Variants in ARHGAP35 observed in about 807,000 individuals in gnomAD.
ARHGAP35 encodes rho GTPase-activating protein 35.
A neutral mutation model predicts 111.1 loss-of-function variants in ARHGAP35; 15 were observed. The observed-to-expected ratio is 0.13, with a 90% CI of 0.09 to 0.21. The LOEUF is 0.21. ARHGAP35 is among the 10% of genes least tolerant of loss of function. The pLI, the probability that ARHGAP35 is intolerant of heterozygous loss-of-function variation, is 1.00. For synonymous variants in ARHGAP35, 643 were observed against 710.3 expected, an observed-to-expected ratio of 0.91 and a Z score of 1.51; for missense variants, 1,262 against 1,873.0, an observed-to-expected ratio of 0.67 and a Z score of 6.02.
At chr19:46,982,139 C>T (rs911448192) in intron 3 of ARHGAP35, among the ~76,000 whole-genome samples, 4 of 151,850 alleles carry the variant, frequency 2.6e-5, no homozygotes, top group African/African-American at 4.8e-5. Context: ...GGAACCATCA[C>T]GCCTGCCCTG....
intron 3 of ARHGAP35, among the ~76,000 whole-genome samples, chr19:46,971,932 TATC>T (rs923448256): frequency 6.6e-6 from 1 of 152,156 alleles, no homozygotes; most frequent in African/African-American, 2.4e-5. Context: ...CTTCAGAAAA[TATC>T]AGCCCAGTTT....
rs1201403411 is a variant in ARHGAP35, at chr19:46,918,217, C to CAGGAA, written c.-188-271_-188-270insAGGAA. 6.6e-6 allele frequency among the ~76,000 whole-genome samples: 1 copy of CAGGAA among 151,976 alleles called. No homozygotes were observed. Among genetic ancestry groups the CAGGAA allele is most frequent in the African/African-American group, 2.4e-5 (1 of 41,356 alleles). On this transcript the variant is annotated intron_variant, in intron 1 of 6. Coordinates refer to ENST00000672722, the MANE Select transcript of ARHGAP35 (RefSeq NM_004491.5). The surrounding 1 kb of genome is among the most constrained non-coding windows in gnomAD (Gnocchi z 5.4). ...TCCTGCCCTAACCCTGGAATCAGCC[C>CAGGAA]TTTTTCCAGGGAGCCCTCACACCCT...
chr19:46,989,093 T>C lies in ARHGAP35; in HGVS notation c.3905-451T>C, dbSNP rs946361439. On this transcript the variant is annotated intron_variant, in intron 4 of 6. Coordinates refer to ENST00000672722, the MANE Select transcript of ARHGAP35 (RefSeq NM_004491.5). This position sits in a 1 kb window ranked among gnomAD's most constrained non-coding sequence, Gnocchi z 5.3. ...GCCAGAGAGAGAAAAAATGAGCCTATTTGCCCTCCCACCATAGGGGACAAG... is the reference window on the plus strand; with the variant it reads ...GCCAGAGAGAGAAAAAATGAGCCTACTTGCCCTCCCACCATAGGGGACAAG... 1 of 166,594 alleles carries C rather than the reference T, an allele frequency of 6.0e-6. No homozygotes were observed. Among genetic ancestry groups the C allele is most frequent in the African/African-American group, 2.4e-5 (1 of 41,988 alleles). The allele number at this position is 166,594 out of a possible 1,614,324, so 10.3% of individuals were successfully genotyped here. A position where few individuals can be genotyped will look rare whatever the true frequency, so the allele number is the denominator to read the frequency against.
At chr19:46,875,982 T>C (rs1270188650) in intron 1 of ARHGAP35, among the ~76,000 whole-genome samples, 1 of 152,194 alleles carries the variant, frequency 6.6e-6, no homozygotes, top group East Asian at 1.9e-4. Context: ...CCGTTACTCT[T>C]TTTCTCATCA....
chr19:46,931,804 C>A (rs2056274404), intron 2 of ARHGAP35, among the ~76,000 whole-genome samples: 2 of 152,116 alleles, frequency 1.3e-5, no homozygotes, highest in African/African-American at 4.8e-5. Context: ...TCAAAGATCA[C>A]CGTACACTAA....
In ARHGAP35 at chr19:46,999,453, G is replaced by T; in HGVS notation, c.4142+44G>T. 1 of 1,257,362 alleles carries T rather than the reference G, an allele frequency of 8.0e-7. No homozygotes were observed. The highest frequency in any genetic ancestry group is 1.3e-5 in the South Asian group (1 of 77,564). 77.9% of individuals were successfully genotyped at this position (1,257,362 alleles called of 1,614,324 possible). On this transcript the variant is annotated intron_variant, in intron 6 of 6. Transcript: ENST00000672722. The surrounding 1 kb of genome is among the most constrained non-coding windows in gnomAD (Gnocchi z 5.4). ...TGGTTGGTTTTTCCTCCTGAAAATTGACAGCCAGGGTCAGTGTGTCGCAGA... is the reference window on the plus strand; with the variant it reads ...TGGTTGGTTTTTCCTCCTGAAAATTTACAGCCAGGGTCAGTGTGTCGCAGA...
intron 1 of ARHGAP35, among the ~76,000 whole-genome samples, chr19:46,863,122 C>G (rs921046591): frequency 6.6e-6 from 1 of 151,396 alleles, no homozygotes; most frequent in South Asian, 2.1e-4. Context: ...CCTATCAGAC[C>G]TGCTCCTCGC....
chr19:46,914,885 A>G (rs1438984743), intron 1 of ARHGAP35, among the ~76,000 whole-genome samples: 3 of 152,192 alleles, frequency 2.0e-5, no homozygotes, highest in African/African-American at 7.2e-5. Flanking sequence ...CAGACAAGGG[A>G]TGACTTGCCA....
At chr19:46,950,595 G>A (rs957286247) in intron 3 of ARHGAP35, among the ~76,000 whole-genome samples, 2 of 152,234 alleles carry the variant, frequency 1.3e-5, no homozygotes, top group African/African-American at 4.8e-5. Context: ...CTGAGCTTGT[G>A]GTGGTGTGTT....
At position 46,921,462 on chromosome 19, in the gene ARHGAP35, T is replaced by G. The variant is rs1242903108; in HGVS notation, c.2787T>G (p.His929Gln). The G allele has an allele frequency of 6.2e-7, 1 of 1,613,832 alleles. No homozygotes were observed. The highest frequency in any genetic ancestry group is 1.1e-5 in the South Asian group (1 of 91,068). ...GCATCCCCTGTAGCCAACCCCAGCATAAACTTGAGATCTTTCACCCATTTT... is the reference window on the plus strand; with the variant it reads ...GCATCCCCTGTAGCCAACCCCAGCAGAAACTTGAGATCTTTCACCCATTTT... ...FTSIPCSQPQ[H>Q]KLEIFHPFFK... The change falls in exon 2 of 7, where the codon CAT becomes CAG. Residue 929 changes from histidine to glutamine, a missense_variant. By Grantham distance (24) the His-to-Gln change is conservative. Around this residue, in one of 8 missense-constraint regions of ARHGAP35, gnomAD observed 579 missense variants for 716.9 expected, o/e 0.81. Transcript: ENST00000672722. This position sits in a 1 kb window ranked among gnomAD's most constrained non-coding sequence, Gnocchi z 4.3.
intron 1 of ARHGAP35, among the ~76,000 whole-genome samples, chr19:46,864,206 G>C (rs1008119591): frequency 2.0e-5 from 3 of 152,190 alleles, no homozygotes; most frequent in Non-Finnish European, 2.9e-5. Context: ...TGAGAAATGC[G>C]TCTTGGCTAC....
chr19:46,957,592 AT>A (rs1427602737), intron 3 of ARHGAP35, among the ~76,000 whole-genome samples: 1 of 152,194 alleles, frequency 6.6e-6, no homozygotes, highest in African/African-American at 2.4e-5. Context: ...CAGACCGGCA[AT>A]AGAGTTAAAC....
chr19:46,999,949 A>G lies in ARHGAP35; in HGVS notation c.4143-382A>G, dbSNP rs1303198806. On this transcript the variant is annotated intron_variant, in intron 6 of 6. Transcript: ENST00000672722. This position sits in a 1 kb window ranked among gnomAD's most constrained non-coding sequence, Gnocchi z 5.4. Reference sequence around the variant, plus strand: ...GTTCCCTGAAGTTCCATGTGTGTGGAGGAGATCTGCTGGCCGAGTGGCCTC... The same window carrying G: ...GTTCCCTGAAGTTCCATGTGTGTGGGGGAGATCTGCTGGCCGAGTGGCCTC... The G allele has an allele frequency of 1.5e-5, 4 of 260,222 alleles. No homozygotes were observed. The highest frequency in any genetic ancestry group is 7.9e-5 in the East Asian group (1 of 12,584). The allele number at this position is 260,222 out of a possible 1,614,324, so 16.1% of individuals were successfully genotyped here.
chr19:46,897,286 C>T (rs2056062503), intron 1 of ARHGAP35, among the ~76,000 whole-genome samples: 1 of 152,030 alleles, frequency 6.6e-6, no homozygotes, highest in Non-Finnish European at 1.5e-5. Flanking sequence ...AAGAGTCAAG[C>T]TGCTTTGTGC....
chr19:46,971,476 G>T (rs960759439), intron 3 of ARHGAP35, among the ~76,000 whole-genome samples: 9 of 151,236 alleles, frequency 6.0e-5, no homozygotes, highest in African/African-American at 1.5e-4. Context: ...GGTTTTTTGG[G>T]TTTTTTTTGT....
At chr19:46,934,670 C>G (rs2056294398) in intron 2 of ARHGAP35, among the ~76,000 whole-genome samples, 1 of 150,104 alleles carries the variant, frequency 6.7e-6, no homozygotes, top group African/African-American at 2.5e-5. Flanking sequence ...CCCGGCCAGC[C>G]CTCTTATTTA....
rs1247706655 is a variant in ARHGAP35, at chr19:46,920,464, A to G, written c.1789A>G (p.Arg597Gly). ...KNSLSDPNID[R>G]INLVILGKDG... ...TTCACTCTCTGACCCTAACATTGAT[A>G]GAATCAACTTGGTTATATTGGGCAA... is the stretch of plus-strand genomic sequence containing the variant. Residue 597 changes from arginine to glycine, a missense_variant, in exon 2 of 7, where the codon AGA becomes GGA. By Grantham distance (125) the Arg-to-Gly change is moderately radical. Around this residue, in one of 8 missense-constraint regions of ARHGAP35, gnomAD observed 328 missense variants for 440.8 expected, o/e 0.74. Transcript: ENST00000672722. The surrounding 1 kb of genome is among the most constrained non-coding windows in gnomAD (Gnocchi z 7.0). 1 of 1,613,996 alleles carries G rather than the reference A, an allele frequency of 6.2e-7. No individual in the cohort carries two copies. Among genetic ancestry groups the G allele is most frequent in the Non-Finnish European group, 8.5e-7 (1 of 1,179,834 alleles).
rs769392977 is a variant in ARHGAP35, at chr19:46,920,393, T to C, written c.1718T>C (p.Leu573Ser). 3.1e-6 allele frequency: 5 copies of C among 1,613,874 alleles called. No individual in the cohort carries two copies. Among genetic ancestry groups the C allele is most frequent in the Non-Finnish European group, 4.2e-6 (5 of 1,179,894 alleles). The change falls in exon 2 of 7, where the codon TTG becomes TCG. Residue 573 changes from leucine (L) to serine (S), a missense_variant. By Grantham distance (145) the Leu-to-Ser change is moderately radical (BLOSUM62 -2). Transcript: ENST00000672722. This position sits in a 1 kb window ranked among gnomAD's most constrained non-coding sequence, Gnocchi z 7.0. Reference protein sequence around the residue: ...PACVDAKIEHLISSRFIRPSD... With the variant: ...PACVDAKIEHSISSRFIRPSD... ...TGTGTGGACGCTAAGATTGAGCACT[T>C]GATTAGTTCTCGGTTTATCCGGCCG...
At chr19:46,861,351 C>G (rs932149058) in intron 1 of ARHGAP35, among the ~76,000 whole-genome samples, 142 bp downstream of exon 1, 4 of 149,966 alleles carry the variant, frequency 2.7e-5, no homozygotes, top group Admixed American at 6.6e-5. Context: ...CGGCCCCCCC[C>G]CCAGCCCCCC....
Sources: gnomAD v4.1 joint callset for allele counts (sites outside exome capture counted in the v4.1 genomes callset) on GRCh38, gnomAD v4.1.1 for gene constraint, gnomAD v4.1.1 regional missense constraint, Gnocchi (gnomAD v3.1) non-coding constraint, MANE v1.5 for transcripts, NCBI Gene and HGNC (gene_info 2026-07-23, HGNC 2026-07-21) for gene names.